Variants in PID1 observed in about 807,000 individuals in gnomAD.
The protein encoded by PID1 is PTB-containing, cubilin and LRP1-interacting protein.
In PID1, 10 loss-of-function variants were observed where a neutral mutation model predicts 19.1. The observed-to-expected ratio is 0.52, with a 90% CI of 0.32 to 0.89. The LOEUF (loss-of-function observed/expected upper bound fraction) is 0.89. PID1 is among the 40% of genes least tolerant of loss of function. The pLI, the probability that PID1 is intolerant of heterozygous loss-of-function variation, is 0.03. For synonymous variants in PID1, 130 were observed against 116.0 expected (o/e 1.12, Z -0.78); for missense variants, 248 against 285.3 (o/e 0.87, Z 0.94).
chr2:229,138,114 G>A lies in PID1; in HGVS notation c.177+17704C>T, dbSNP rs1004056021. ...CAAACAAGTTCCTGGATCCCTAGGCGATAAATAACAGCAAATTTGCAGGTT... is the reference window on the plus strand; with the variant it reads ...CAAACAAGTTCCTGGATCCCTAGGCAATAAATAACAGCAAATTTGCAGGTT... On this transcript the variant is annotated intron_variant, in intron 2 of 2. Transcript: ENST00000392055. Among the ~76,000 whole-genome samples, 5 of 152,222 alleles carry A rather than the reference G, an allele frequency of 3.3e-5. No individual in the cohort carries two copies. In the East Asian group the frequency reaches 7.7e-4, roughly 24 times the overall value.
chr2:229,106,612 G>C (rs1227554678), intron 2 of PID1, among the ~76,000 whole-genome samples: 1 of 152,202 alleles, frequency 6.6e-6, no homozygotes, highest in African/African-American at 2.4e-5. Flanking sequence ...TCCACCATGT[G>C]AGGACACATA....
At chr2:229,171,363 AT>A (rs1259904058) in intron 1 of PID1, among the ~76,000 whole-genome samples, 1 of 152,220 alleles carries the variant, frequency 6.6e-6, no homozygotes, top group East Asian at 1.9e-4. Flanking sequence ...AGTGGACAGC[AT>A]TATGTCGCAA....
intron 2 of PID1, among the ~76,000 whole-genome samples, chr2:229,049,280 T>C (rs191989321): frequency 7.0e-4 from 107 of 152,310 alleles, no homozygotes; most frequent in African/African-American, 2.4e-3. Context: ...TTTTTTCACA[T>C]GTATGTTGGC....
chr2:229,103,460 A>G (rs571173607), intron 2 of PID1, among the ~76,000 whole-genome samples: 74 of 152,254 alleles, frequency 4.9e-4, no homozygotes, highest in African/African-American at 1.8e-3. Flanking sequence ...TGACAGCCCT[A>G]CTGGACTTCA....
chr2:229,060,588 C>G (rs1694191606), intron 2 of PID1, among the ~76,000 whole-genome samples: 1 of 152,084 alleles, frequency 6.6e-6, no homozygotes, highest in Admixed American at 6.6e-5. Context: ...CATGAGATCA[C>G]AGATCTCTTT....
In PID1 at chr2:229,049,237, C is replaced by G. The variant is rs141704982; in HGVS notation, c.178-23129G>C. Among the ~76,000 whole-genome samples the G allele has an allele frequency of 1.1e-3, 168 of 151,992 alleles. 1 individual carries two copies. Among genetic ancestry groups the G allele is most frequent in the African/African-American group, 3.9e-3 (163 of 41,438 alleles). On this transcript the variant is annotated intron_variant, in intron 2 of 2. Coordinates refer to ENST00000392055, the MANE Select transcript of PID1 (RefSeq NM_001100818.2). ...TAATTTGACAGATGAAAAATGGTAT[C>G]CTGTTATTTTTTGATTGCTAGTAAG...
intron 1 of PID1, 39 bp from the exon 2 acceptor site, chr2:229,156,003 C>T: frequency 5.6e-6 from 9 of 1,596,704 alleles, no homozygotes; most frequent in Non-Finnish European, 7.7e-6. Flanking sequence ...AGTTTAATCA[C>T]TTGGACTTTT....
At position 229,025,595 on chromosome 2, in the gene PID1, G is replaced by A. The variant is rs1693396307; in HGVS notation, c.*37C>T. The A allele has an allele frequency of 1.3e-6, 2 of 1,488,768 alleles. No individual in the cohort carries two copies. Among genetic ancestry groups the A allele is most frequent in the African/African-American group, 1.4e-5 (1 of 72,426 alleles). 92.2% of individuals were successfully genotyped at this position (1,488,768 alleles called of 1,614,324 possible). A position where few individuals can be genotyped will look rare whatever the true frequency, so the allele number is the denominator to read the frequency against. On this transcript the variant is annotated 3_prime_UTR_variant, in exon 3 of 3. Coordinates refer to ENST00000392055, the MANE Select transcript of PID1 (RefSeq NM_001100818.2). ...ACTCATCTATTCCCTTGAACTCCGTGACCAATGCTGCCTTTGCTGAAGCGT... is the reference window on the plus strand; with the variant it reads ...ACTCATCTATTCCCTTGAACTCCGTAACCAATGCTGCCTTTGCTGAAGCGT...
intron 1 of PID1, among the ~76,000 whole-genome samples, chr2:229,244,001 T>A (rs554413611): frequency 1.2e-3 from 180 of 152,316 alleles, no homozygotes; most frequent in Non-Finnish European, 2.0e-3. Flanking sequence ...ACAAAACTCA[T>A]GTTTGGCACT....
intron 2 of PID1, among the ~76,000 whole-genome samples, chr2:229,083,914 G>C (rs927895648): frequency 3.9e-5 from 6 of 152,212 alleles, no homozygotes; most frequent in African/African-American, 1.4e-4. Context: ...TGAAGAGGTA[G>C]CTAAGGAGTT....
At chr2:229,191,180 C>T (rs534638236) in intron 1 of PID1, among the ~76,000 whole-genome samples, 1 of 152,040 alleles carries the variant, frequency 6.6e-6, no homozygotes, top group Non-Finnish European at 1.5e-5. Context: ...TGGCCATTAC[C>T]CATTAGATGA....
intron 2 of PID1, among the ~76,000 whole-genome samples, chr2:229,147,619 TACA>T (rs1276920193): frequency 6.6e-6 from 1 of 152,170 alleles, no homozygotes; most frequent in Non-Finnish European, 1.5e-5. Flanking sequence ...ATATAATTTC[TACA>T]ACAAAATTTT....
chr2:229,231,419 T>C (rs1692202669), intron 1 of PID1, among the ~76,000 whole-genome samples: 1 of 152,086 alleles, frequency 6.6e-6, no homozygotes, highest in Non-Finnish European at 1.5e-5. Context: ...CATAAAGTTA[T>C]TCTGGGAATC....
intron 2 of PID1, among the ~76,000 whole-genome samples, chr2:229,094,968 T>C (rs1179049597): frequency 2.0e-5 from 3 of 152,176 alleles, no homozygotes; most frequent in African/African-American, 7.2e-5. Flanking sequence ...TTACATGTAT[T>C]ATCCCCACCA....
At chr2:229,104,101 G>A (rs1159436166) in intron 2 of PID1, among the ~76,000 whole-genome samples, 1 of 152,158 alleles carries the variant, frequency 6.6e-6, no homozygotes, top group Non-Finnish European at 1.5e-5. Context: ...ACAAGAGCCT[G>A]AGTTTCTAGA....
intron 1 of PID1, among the ~76,000 whole-genome samples, chr2:229,228,591 G>A (rs1692133351): frequency 6.6e-6 from 1 of 152,206 alleles, no homozygotes; most frequent in African/African-American, 2.4e-5. Flanking sequence ...AGCTTTGGAT[G>A]TGAGTGTATG....
At chr2:229,115,466 C>T (rs12465437) in intron 2 of PID1, among the ~76,000 whole-genome samples, 17,067 of 143,066 alleles carry the variant, frequency 0.12, 1,137 homozygotes, top group South Asian at 0.24. Context: ...TGAAGAAAAA[C>T]AAAAGAAGAA....
chr2:229,037,132 A>G (rs913519086), intron 2 of PID1, among the ~76,000 whole-genome samples: 1 of 152,194 alleles, frequency 6.6e-6, no homozygotes, highest in African/African-American at 2.4e-5. Context: ...TAACTTTCCT[A>G]AGGCTAAAAA....
chr2:229,130,084 A>G (rs1273349851), intron 2 of PID1, among the ~76,000 whole-genome samples: 2 of 152,214 alleles, frequency 1.3e-5, no homozygotes, highest in South Asian at 2.1e-4. Context: ...CACCAGAATA[A>G]ATCTCAGCTC....
Sources: gnomAD v4.1 joint callset for allele counts (sites outside exome capture counted in the v4.1 genomes callset) on GRCh38, gnomAD v4.1.1 for gene constraint, MANE v1.5 for transcripts, NCBI Gene and HGNC (gene_info 2026-07-23, HGNC 2026-07-21) for gene names.